PIK3R5: variants seen among roughly 807,000 people sequenced by gnomAD.
PIK3R5 encodes the protein phosphoinositide-3-kinase regulatory subunit 5.
In PIK3R5, 32 loss-of-function variants were observed where a neutral mutation model predicts 94.9. The observed-to-expected ratio is 0.34, with a 90% CI of 0.25 to 0.45. The LOEUF (loss-of-function observed/expected upper bound fraction) is 0.45. Ranked by LOEUF, PIK3R5 falls within the 20% of genes least tolerant of loss-of-function variation. PIK3R5 has a pLI of 1.00. For missense variants in PIK3R5, 853 were observed against 1,144.6 expected (o/e 0.75, Z 3.68); for synonymous variants, 443 against 479.4 (o/e 0.92, Z 0.99).
rs1192109436 is a variant in PIK3R5, at chr17:8,882,987, A to G, written c.2206-1106T>C. Among the ~76,000 whole-genome samples, 2 of 152,214 alleles carry G rather than the reference A, an allele frequency of 1.3e-5. No homozygotes were observed. Among genetic ancestry groups the G allele is most frequent in the Non-Finnish European group, 2.9e-5 (2 of 68,038 alleles). On this transcript the variant is annotated intron_variant, in intron 15 of 18. Coordinates refer to ENST00000447110, the MANE Select transcript of PIK3R5 (RefSeq NM_001142633.3). This position sits in a 1 kb window ranked among gnomAD's most constrained non-coding sequence, Gnocchi z 4.1. ...CTGCCAGAGGGAGCTTCCAAGCCTC[A>G]GATATAATCATGTCACAGGCATTCC...
chr17:8,944,172 G>C (rs1293584538), intron 1 of PIK3R5, among the ~76,000 whole-genome samples: 1 of 152,104 alleles, frequency 6.6e-6, no homozygotes, highest in Non-Finnish European at 1.5e-5. Context: ...AGTTTGCTAA[G>C]AATAACAGAC....
chr17:8,906,424 A>AT (rs768044854), intron 3 of PIK3R5, among the ~76,000 whole-genome samples: 4 of 151,838 alleles, frequency 2.6e-5, no homozygotes, highest in East Asian at 1.9e-4. Flanking sequence ...TGTTATAAAT[A>AT]TTTTTTTCCA....
chr17:8,910,365 C>G (rs905142771), intron 2 of PIK3R5, among the ~76,000 whole-genome samples: 1 of 152,174 alleles, frequency 6.6e-6, no homozygotes, highest in Non-Finnish European at 1.5e-5. Flanking sequence ...CTCTCCCCAG[C>G]CCTATGAGCT....
Position 8,911,248 on chromosome 17 carries a change from C to A in PIK3R5, c.103+144G>T. 1.6e-6 allele frequency: 1 copy of A among 643,366 alleles called. No homozygotes were observed. The highest frequency in any genetic ancestry group is 2.7e-6 in the Non-Finnish European group (1 of 364,504). 39.9% of individuals were successfully genotyped at this position (643,366 alleles called of 1,614,324 possible). On this transcript the variant is annotated intron_variant, in intron 2 of 18. Coordinates refer to ENST00000447110, the MANE Select transcript of PIK3R5 (RefSeq NM_001142633.3). The surrounding 1 kb of genome is among the most constrained non-coding windows in gnomAD (Gnocchi z 5.3). The stretch of plus-strand genomic sequence containing the variant: ...ATCAAGTGCTGCGCCAGGCACCTGC[C>A]CAGGAGAAGGCTGAGGCTTGCCCAA...
chr17:8,893,711 G>A lies in PIK3R5; in HGVS notation c.413-56C>T, dbSNP rs1019733205. ...CTGATCAGTTCCTTCAGCATCGTCCGTGTGCCTCGTGGGGAGCCAAGCACT... is the reference window on the plus strand; with the variant it reads ...CTGATCAGTTCCTTCAGCATCGTCCATGTGCCTCGTGGGGAGCCAAGCACT... On this transcript the variant is annotated intron_variant, in intron 5 of 18. Coordinates refer to ENST00000447110, the MANE Select transcript of PIK3R5 (RefSeq NM_001142633.3). The surrounding 1 kb of genome is among the most constrained non-coding windows in gnomAD (Gnocchi z 5.1). 6 of 1,347,520 alleles carry A rather than the reference G, an allele frequency of 4.5e-6. No individual in the cohort carries two copies. The highest frequency in any genetic ancestry group is 1.2e-5 in the South Asian group (1 of 85,270). The allele number at this position is 1,347,520 out of a possible 1,614,324, so 83.5% of individuals were successfully genotyped here. A position where few individuals can be genotyped will look rare whatever the true frequency, so the allele number is the denominator to read the frequency against.
At position 8,909,528 on chromosome 17, in the gene PIK3R5, C is replaced by A. The variant is rs1258219483; in HGVS notation, c.104-354G>T. ...GGTCTCGATCTCCTGACCTCGTGATCCGCCCGCCTCGGACTCCCAAAGTGC... is the reference window on the plus strand; with the variant it reads ...GGTCTCGATCTCCTGACCTCGTGATACGCCCGCCTCGGACTCCCAAAGTGC... On this transcript the variant is annotated intron_variant, in intron 2 of 18. Transcript: ENST00000447110. This position sits in a 1 kb window ranked among gnomAD's most constrained non-coding sequence, Gnocchi z 4.3. Among the ~76,000 whole-genome samples, 1 of 152,344 alleles carries A rather than the reference C, an allele frequency of 6.6e-6. No individual in the cohort carries two copies. Among genetic ancestry groups the A allele is most frequent in the East Asian group, 1.9e-4 (1 of 5,192 alleles).
chr17:8,948,301 T>C (rs1343905194), intron 1 of PIK3R5, among the ~76,000 whole-genome samples: 1 of 152,070 alleles, frequency 6.6e-6, no homozygotes, highest in African/African-American at 2.4e-5. Context: ...GTTAACCCAC[T>C]GGAAAGCATG....
At chr17:8,933,777 GTTGTACTGAAAGTCA>G (rs954414504) in intron 1 of PIK3R5, among the ~76,000 whole-genome samples, 6 of 152,250 alleles carry the variant, frequency 3.9e-5, no homozygotes, top group Non-Finnish European at 8.8e-5. Context: ...TTGGAAAGTT[GTTGTACTGAAAGTCA>G]TTGTACTGAA....
In PIK3R5 at chr17:8,893,469, G is replaced by C; in HGVS notation, c.482+117C>G. On this transcript the variant is annotated intron_variant, in intron 6 of 18. Coordinates refer to ENST00000447110, the MANE Select transcript of PIK3R5 (RefSeq NM_001142633.3). This position sits in a 1 kb window ranked among gnomAD's most constrained non-coding sequence, Gnocchi z 5.1. ...CTGGAAGCCTGTTTGTTGCTGGCTGGGGTGGACAGGGGGTGGGGGCACTGG... is the reference window on the plus strand; with the variant it reads ...CTGGAAGCCTGTTTGTTGCTGGCTGCGGTGGACAGGGGGTGGGGGCACTGG... The C allele has an allele frequency of 5.2e-6, 4 of 776,022 alleles. No homozygotes were observed. Among genetic ancestry groups the C allele is most frequent in the Non-Finnish European group, 6.7e-6 (3 of 445,084 alleles). 48.1% of individuals were successfully genotyped at this position (776,022 alleles called of 1,614,324 possible).
In PIK3R5 at chr17:8,893,759, C is replaced by T. The variant is rs1034088045; in HGVS notation, c.413-104G>A. 4.7e-5 allele frequency: 41 copies of T among 870,678 alleles called. No individual in the cohort carries two copies. The Admixed American group carries it at 4.9e-4, about 10-fold the overall frequency. 53.9% of individuals were successfully genotyped at this position (870,678 alleles called of 1,614,324 possible). A position where few individuals can be genotyped will look rare whatever the true frequency, so the allele number is the denominator to read the frequency against. On this transcript the variant is annotated intron_variant, in intron 5 of 18. Coordinates refer to ENST00000447110, the MANE Select transcript of PIK3R5 (RefSeq NM_001142633.3). The surrounding 1 kb of genome is among the most constrained non-coding windows in gnomAD (Gnocchi z 5.1). ...ACTGGACAATCAGGTTGGAAATTCCCGGATGGAGCTCAGGCGAACCTGCAG... is the reference window on the plus strand; with the variant it reads ...ACTGGACAATCAGGTTGGAAATTCCTGGATGGAGCTCAGGCGAACCTGCAG...
chr17:8,940,403 CT>C (rs1482400966), intron 1 of PIK3R5, among the ~76,000 whole-genome samples: 8 of 42,086 alleles, frequency 1.9e-4, no homozygotes, highest in Non-Finnish European at 4.4e-4. Flanking sequence ...ACCGGCCATC[CT>C]CAAGAGCTCA....
At chr17:8,940,929 C>A (rs190082909) in intron 1 of PIK3R5, among the ~76,000 whole-genome samples, 2 of 152,140 alleles carry the variant, frequency 1.3e-5, no homozygotes, top group African/African-American at 2.4e-5. Context: ...TGGACCCAGA[C>A]CTCCTCACCC....
intron 1 of PIK3R5, among the ~76,000 whole-genome samples, chr17:8,914,658 C>T (rs955843553): frequency 3.9e-5 from 6 of 152,218 alleles, no homozygotes; most frequent in Non-Finnish European, 8.8e-5. Context: ...CTTTGTTCCT[C>T]GGGTCACTAT....
At chr17:8,934,480 G>C (rs1033037115) in intron 1 of PIK3R5, among the ~76,000 whole-genome samples, 1 of 152,168 alleles carries the variant, frequency 6.6e-6, no homozygotes, top group African/African-American at 2.4e-5. Flanking sequence ...TATTATGTCA[G>C]TTTTCCTCCA....
At chr17:8,921,969 G>C (rs1020478730) in intron 1 of PIK3R5, among the ~76,000 whole-genome samples, 4 of 152,184 alleles carry the variant, frequency 2.6e-5, no homozygotes, top group Admixed American at 1.3e-4. Context: ...ACAATCAACA[G>C]AGTGAAAAGG....
chr17:8,924,168 T>G (rs1008989273), intron 1 of PIK3R5, among the ~76,000 whole-genome samples: 18 of 149,536 alleles, frequency 1.2e-4, no homozygotes, highest in African/African-American at 4.2e-4. Flanking sequence ...AGCCTTGACC[T>G]CCTGGGCTCA....
intron 15 of PIK3R5, among the ~76,000 whole-genome samples, chr17:8,883,507 G>A (rs2151349433): frequency 6.6e-6 from 1 of 152,338 alleles, no homozygotes; most frequent in African/African-American, 2.4e-5. Context: ...TCTTCTTTCA[G>A]AGTGCTTCAA....
At chr17:8,948,142 C>A (rs1288436393) in intron 1 of PIK3R5, among the ~76,000 whole-genome samples, 1 of 150,906 alleles carries the variant, frequency 6.6e-6, no homozygotes. Flanking sequence ...AGAGTCCAAA[C>A]CAGAAGAAAT....
Position 8,879,837 on chromosome 17 carries a change from T to C in PIK3R5, c.*802A>G. 6.6e-6 allele frequency: 1 copy of C among 152,208 alleles called. No homozygotes were observed. Among genetic ancestry groups the C allele is most frequent in the East Asian group, 1.9e-4 (1 of 5,194 alleles). 9.4% of individuals were successfully genotyped at this position (152,208 alleles called of 1,614,324 possible). A position where few individuals can be genotyped will look rare whatever the true frequency, so the allele number is the denominator to read the frequency against. On this transcript the variant is annotated 3_prime_UTR_variant, in exon 19 of 19. Transcript: ENST00000447110. This position sits in a 1 kb window ranked among gnomAD's most constrained non-coding sequence, Gnocchi z 4.4. Reference sequence around the variant, plus strand: ...AATTTAACCTTTTAAGGATGTCTTATTTCCACCCCAACTCTCCACTCCATT... The same window carrying C: ...AATTTAACCTTTTAAGGATGTCTTACTTCCACCCCAACTCTCCACTCCATT...
Sources: gnomAD v4.1 joint callset for allele counts (sites outside exome capture counted in the v4.1 genomes callset) on GRCh38, gnomAD v4.1.1 for gene constraint, Gnocchi (gnomAD v3.1) non-coding constraint, MANE v1.5 for transcripts, NCBI Gene and HGNC (gene_info 2026-07-23, HGNC 2026-07-21) for gene names.